GTPBP1: variants seen among roughly 807,000 people sequenced by gnomAD.
The protein encoded by GTPBP1 is GTP binding protein 1.
In GTPBP1, 23 loss-of-function variants were observed where a neutral mutation model predicts 62.0. That is an observed-to-expected ratio of 0.37 (90% CI 0.27 to 0.53). GTPBP1 has a LOEUF of 0.53. Ranked by LOEUF, GTPBP1 falls within the 20% of genes least tolerant of loss-of-function variation. The probability of loss-of-function intolerance (pLI) is 0.89; values close to 1 mark genes in which losing one functional copy is unlikely to be tolerated. For missense variants in GTPBP1, 640 were observed against 917.3 expected, an observed-to-expected ratio of 0.70 and a Z score of 3.90; for synonymous variants, 344 against 364.4, an observed-to-expected ratio of 0.94 and a Z score of 0.64.
At position 38,731,010 on chromosome 22, in the gene GTPBP1, TTGTGTGTGTGTGTGTGTG is replaced by T. The variant is rs397836314; in HGVS notation, c.*329_*346del. 43 of 183,660 alleles carry T rather than the reference TTGTGTGTGTGTGTGTGTG, an allele frequency of 2.3e-4. No individual in the cohort carries two copies. Among genetic ancestry groups the T allele is most frequent in the Non-Finnish European group, 3.2e-4 (29 of 91,540 alleles). 11.4% of individuals were successfully genotyped at this position (183,660 alleles called of 1,614,324 possible). A position where few individuals can be genotyped will look rare whatever the true frequency, so the allele number is the denominator to read the frequency against. On this transcript the variant is annotated 3_prime_UTR_variant, in exon 12 of 12. Coordinates refer to ENST00000216044, the MANE Select transcript of GTPBP1 (RefSeq NM_004286.5). ...TATTATATGTCTCTGTCTCTCTCTA[TTGTGTGTGTGTGTGTGTG>T]TGTGTGTGTGTGTGTGTGTGTGGTG...
downstream of GTPBP1, chr22:38,734,266 C>T (rs1160970934): frequency 2.2e-6 from 1 of 465,030 alleles, no homozygotes; most frequent in African/African-American, 2.0e-5. Flanking sequence ...AGGTCAGGGC[C>T]TGTTTTTCTC....
chr22:38,721,759 C>T lies in GTPBP1; in HGVS notation c.852C>T (p.Gly284=), dbSNP rs2092701914. ...FCMLMVGSNA[G]IVGMTKEHLG... ...TGGGGCAGGTGGGCAGCAATGCTGG[C>T]ATCGTGGGGATGACCAAAGAACACC... The change falls in exon 5 of 12, where the codon GGC becomes GGT. Residue 284 remains glycine, a synonymous_variant. Transcript: ENST00000216044. The T allele has an allele frequency of 1.9e-6, 3 of 1,612,226 alleles. No individual in the cohort carries two copies. Among genetic ancestry groups the T allele is most frequent in the African/African-American group, 1.3e-5 (1 of 74,900 alleles).
intron 6 of GTPBP1, 23 bp from the exon 7 acceptor site, chr22:38,725,983 C>G: frequency 1.2e-6 from 2 of 1,606,408 alleles, no homozygotes; most frequent in African/African-American, 1.3e-5. Context: ...TCCTTTTTTC[C>G]TTCCTCTTCT....
rs397836314 is a variant in GTPBP1, at chr22:38,731,010, TTGTGTGTG to T, written c.*339_*346del. On this transcript the variant is annotated 3_prime_UTR_variant, in exon 12 of 12. Transcript: ENST00000216044. ...TATTATATGTCTCTGTCTCTCTCTA[TTGTGTGTG>T]TGTGTGTGTGTGTGTGTGTGTGTGT... 141 of 183,762 alleles carry T rather than the reference TTGTGTGTG, an allele frequency of 7.7e-4. No individual in the cohort carries two copies. The highest frequency in any genetic ancestry group is 2.6e-3 in the African/African-American group (95 of 37,080). 11.4% of individuals were successfully genotyped at this position (183,762 alleles called of 1,614,324 possible). A position where few individuals can be genotyped will look rare whatever the true frequency, so the allele number is the denominator to read the frequency against.
At chr22:38,739,556 T>G, downstream of GTPBP1, 1 of 1,303,432 alleles carries the variant, frequency 7.7e-7, no homozygotes, top group Non-Finnish European at 1.1e-6. The surrounding 1 kb of genome is among the most constrained non-coding windows in gnomAD (Gnocchi z 6.7). Context: ...CCCAGGCAGA[T>G]GTGGGCACAC....
downstream of GTPBP1, chr22:38,738,220 AC>A: frequency 1.9e-6 from 3 of 1,613,812 alleles, no homozygotes; most frequent in Non-Finnish European, 2.5e-6. The surrounding 1 kb of genome is among the most constrained non-coding windows in gnomAD (Gnocchi z 6.6). Flanking sequence ...TCGTAAGTGA[AC>A]TTGCCAAGGA....
chr22:38,736,901 C>T (rs574004433), downstream of GTPBP1: 1 of 153,176 alleles, frequency 6.5e-6, no homozygotes, highest in South Asian at 2.0e-4. Flanking sequence ...GGCTGGAGTA[C>T]AATGGTGTGA....
intron 5 of GTPBP1, chr22:38,722,636 A>G: frequency 2.8e-6 from 4 of 1,413,228 alleles, no homozygotes; most frequent in Non-Finnish European, 3.8e-6. Flanking sequence ...GTACAAGCAT[A>G]ATTGGTTCCT....
At chr22:38,728,727 G>GCC (rs373070036) in intron 10 of GTPBP1, 9 of 155,392 alleles carry the variant, frequency 5.8e-5, no homozygotes, top group African/African-American at 2.2e-4. Flanking sequence ...TCCAGAAAAG[G>GCC]CCCCCATCCA....
intron 1 of GTPBP1, chr22:38,706,465 C>T: frequency 4.4e-6 from 1 of 227,216 alleles, no homozygotes; most frequent in Non-Finnish European, 8.6e-6. Flanking sequence ...GCGCTCCGCG[C>T]GTTCCCTGTC....
intron 2 of GTPBP1, among the ~76,000 whole-genome samples, chr22:38,710,521 G>A (rs2145841788): frequency 6.6e-6 from 1 of 152,242 alleles, no homozygotes; most frequent in South Asian, 2.1e-4. Context: ...GGAAGGCATG[G>A]TCAGAGAGAT....
downstream of GTPBP1, among the ~76,000 whole-genome samples, chr22:38,737,084 C>A (rs2092812125): frequency 6.6e-6 from 1 of 152,196 alleles, no homozygotes; most frequent in Non-Finnish European, 1.5e-5. The surrounding 1 kb of genome is among the most constrained non-coding windows in gnomAD (Gnocchi z 4.1). Flanking sequence ...TGGGCTCAAG[C>A]AATCCCCTCG....
Position 38,730,675 on chromosome 22 carries a change from G to A in GTPBP1, c.1981G>A (p.Ala661Thr). The A allele has an allele frequency of 1.9e-6, 3 of 1,601,488 alleles. No homozygotes were observed. ...GQRHKVKSQGACVTPASGC is the reference protein window; with the variant it reads ...GQRHKVKSQGTCVTPASGC ...GCGCCACAAGGTGAAGTCCCAGGGGGCCTGTGTGACTCCTGCCAGCGGCTG... is the reference window on the plus strand; with the variant it reads ...GCGCCACAAGGTGAAGTCCCAGGGGACCTGTGTGACTCCTGCCAGCGGCTG... Residue 661 changes from alanine (A) to threonine (T), a missense_variant, in exon 12 of 12, where the codon GCC (alanine) becomes ACC (threonine). Transcript: ENST00000216044. The surrounding 1 kb of genome is among the most constrained non-coding windows in gnomAD (Gnocchi z 5.6).
At chr22:38,734,515 C>G, downstream of GTPBP1, 2 of 320,558 alleles carry the variant, frequency 6.2e-6, no homozygotes, top group South Asian at 4.5e-5. Flanking sequence ...CACCTCACTG[C>G]TTCCTCATGC....
rs367852375 is a variant in GTPBP1, at chr22:38,715,981, A to G, written c.379A>G (p.Ile127Val). Residue 127 changes from isoleucine to valine, a missense_variant, in exon 3 of 12, where the codon ATA (isoleucine) becomes GTA (valine). This residue lies in a region of GTPBP1 where 215 missense variants were observed against 235.1 expected (regional missense o/e 0.91). Transcript: ENST00000216044. Reference protein sequence around the residue: ...YATVKSMAEQIEADVILLRER... With the variant: ...YATVKSMAEQVEADVILLRER... ...CACAGTGAAGAGCATGGCGGAACAG[A>G]TAGAGGCCGATGTCATCCTTCTGCG... 4.3e-6 allele frequency: 7 copies of G among 1,613,890 alleles called. No individual in the cohort carries two copies. The highest frequency in any genetic ancestry group is 1.7e-5 in the Admixed American group (1 of 59,998).
rs2145890825 is a variant in GTPBP1, at chr22:38,731,040, G to GTGTGTGTGTA, written c.*345_*346insATGTGTGTGT. ...TGTGTGTGTGTGTGTGTGTGTGTGT[G>GTGTGTGTGTA]TGTGTGTGTGGTGCAGGAGTGCCAC... On this transcript the variant is annotated 3_prime_UTR_variant, in exon 12 of 12. Transcript: ENST00000216044. 1 of 245,124 alleles carries GTGTGTGTGTA rather than the reference G, an allele frequency of 4.1e-6. No homozygotes were observed. Among genetic ancestry groups the GTGTGTGTGTA allele is most frequent in the East Asian group, 1.2e-4 (1 of 8,502 alleles). The allele number at this position is 245,124 out of a possible 1,614,324, so 15.2% of individuals were successfully genotyped here. A position where few individuals can be genotyped will look rare whatever the true frequency, so the allele number is the denominator to read the frequency against.
chr22:38,721,045 A>G (rs1485027688), intron 4 of GTPBP1, among the ~76,000 whole-genome samples: 1 of 152,144 alleles, frequency 6.6e-6, no homozygotes, highest in East Asian at 1.9e-4. Flanking sequence ...AGCTGAGACT[A>G]CAGCGTATCC....
At chr22:38,717,775 T>A (rs2092678897) in intron 4 of GTPBP1, among the ~76,000 whole-genome samples, 1 of 152,016 alleles carries the variant, frequency 6.6e-6, no homozygotes, top group African/African-American at 2.4e-5. Flanking sequence ...ACAGTGGGAG[T>A]GCTGAGGGGA....
chr22:38,726,386 C>T lies in GTPBP1; in HGVS notation c.1347C>T (p.Arg449=). The T allele has an allele frequency of 1.2e-6, 2 of 1,614,084 alleles. No individual in the cohort carries two copies. The highest frequency in any genetic ancestry group is 1.7e-6 in the Non-Finnish European group (2 of 1,180,010). ...SIAVKSIHRK[R]MPVKEVRGGQ... is the part of the protein sequence containing the mutation. ...CTGTCAAATCCATCCATCGCAAGCGCATGCCTGTCAAGGAGGTGCGGGGTG... is the reference window on the plus strand; with the variant it reads ...CTGTCAAATCCATCCATCGCAAGCGTATGCCTGTCAAGGAGGTGCGGGGTG... The change falls in exon 8 of 12, where the codon CGC becomes CGT. Residue 449 remains arginine, a synonymous_variant. Coordinates refer to ENST00000216044, the MANE Select transcript of GTPBP1 (RefSeq NM_004286.5). This position sits in a 1 kb window ranked among gnomAD's most constrained non-coding sequence, Gnocchi z 4.1.
Sources: allele counts gnomAD v4.1 joint callset (sites outside exome capture counted in the v4.1 genomes callset), GRCh38; gene constraint gnomAD v4.1.1; regional missense constraint gnomAD v4.1.1; non-coding constraint Gnocchi (gnomAD v3.1); transcripts MANE v1.5; gene names NCBI Gene and HGNC (gene_info 2026-07-23, HGNC 2026-07-21).